The following NUBPL variants were observed in gnomAD, a reference collection of about 807,000 sequenced individuals.
NUBPL encodes iron-sulfur cluster transfer protein NUBPL.
In NUBPL, 31 loss-of-function variants were observed where a neutral mutation model predicts 45.7. That is an observed-to-expected ratio of 0.68 (90% CI 0.51 to 0.92). NUBPL has a LOEUF of 0.92. NUBPL is among the 40% of genes least tolerant of loss of function. The pLI, the probability that NUBPL is intolerant of heterozygous loss-of-function variation, is 0.00. For synonymous variants in NUBPL, 144 were observed against 140.9 expected, an observed-to-expected ratio of 1.02 and a Z score of -0.15; for missense variants, 401 against 398.7, an observed-to-expected ratio of 1.01 and a Z score of -0.05.
intron 6 of NUBPL, among the ~76,000 whole-genome samples, chr14:31,757,595 GATGAA>G (rs1158833010): frequency 4.6e-5 from 7 of 152,208 alleles, no homozygotes; most frequent in African/African-American, 1.4e-4. Flanking sequence ...AATACATGTA[GATGAA>G]ATGATATGAT....
chr14:31,651,898 C>CA (rs528694961), intron 4 of NUBPL, among the ~76,000 whole-genome samples: 7,622 of 91,072 alleles, frequency 0.084, 226 homozygotes, highest in Middle Eastern at 0.11. Context: ...GACTCTGTCT[C>CA]AAAAAAAAAA....
chr14:31,679,472 A>G (rs187534044), intron 6 of NUBPL, among the ~76,000 whole-genome samples: 3 of 152,168 alleles, frequency 2.0e-5, no homozygotes, highest in Admixed American at 2.0e-4. Context: ...CAATGTTTAT[A>G]ATTTTTTATA....
At chr14:31,798,904 T>G (rs2039526042) in intron 7 of NUBPL, among the ~76,000 whole-genome samples, 2 of 152,078 alleles carry the variant, frequency 1.3e-5, no homozygotes, top group South Asian at 4.2e-4. Context: ...AAAACTTGCT[T>G]AACTCCACAG....
At chr14:31,642,040 A>G (rs1390973593) in intron 4 of NUBPL, among the ~76,000 whole-genome samples, 2 of 152,106 alleles carry the variant, frequency 1.3e-5, no homozygotes, top group Non-Finnish European at 2.9e-5. Context: ...TTATTATTTT[A>G]CTATTGAGTT....
At chr14:31,609,780 A>T (rs1167459306) in intron 4 of NUBPL, among the ~76,000 whole-genome samples, 2 of 152,202 alleles carry the variant, frequency 1.3e-5, no homozygotes, top group Non-Finnish European at 2.9e-5. Context: ...TGGAAACTGT[A>T]CAAATACATG....
intron 7 of NUBPL, among the ~76,000 whole-genome samples, chr14:31,798,099 G>T (rs1174558874): frequency 2.0e-5 from 3 of 149,266 alleles, no homozygotes; most frequent in African/African-American, 7.7e-5. Flanking sequence ...TCTGCCGAGA[G>T]ATCCGCTGTT....
chr14:31,839,633 A>G (rs1232810821), intron 8 of NUBPL, among the ~76,000 whole-genome samples: 3 of 152,238 alleles, frequency 2.0e-5, no homozygotes, highest in African/African-American at 4.8e-5. Flanking sequence ...CTGAACAGCC[A>G]AGAAAACAAT....
intron 7 of NUBPL, chr14:31,800,865 A>G (rs2039573858): frequency 6.6e-6 from 1 of 152,198 alleles, no homozygotes; most frequent in South Asian, 2.1e-4. Context: ...TATTTATATT[A>G]AAGTGCTGTA....
chr14:31,832,219 C>T (rs956162540), intron 8 of NUBPL, among the ~76,000 whole-genome samples: 5 of 152,022 alleles, frequency 3.3e-5, no homozygotes, highest in Admixed American at 2.6e-4. Flanking sequence ...ATCAGTAAGA[C>T]AGTTTAAAAA....
intron 4 of NUBPL, among the ~76,000 whole-genome samples, chr14:31,604,256 G>T (rs933157068): frequency 2.0e-5 from 3 of 151,204 alleles, no homozygotes; most frequent in African/African-American, 7.3e-5. Flanking sequence ...AATGATTAAG[G>T]CGTTCACTTA....
chr14:31,847,141 T>C (rs1166048718), intron 9 of NUBPL, among the ~76,000 whole-genome samples: 3 of 152,206 alleles, frequency 2.0e-5, no homozygotes, highest in Admixed American at 1.3e-4. Flanking sequence ...AATTTGAGAA[T>C]AGAGTTTTGT....
chr14:31,778,755 T>G (rs1032809425), intron 6 of NUBPL, among the ~76,000 whole-genome samples: 1 of 152,192 alleles, frequency 6.6e-6, no homozygotes, highest in African/African-American at 2.4e-5. Context: ...AAAATCTTGT[T>G]GCCATACTTT....
At chr14:31,704,908 G>T (rs1276864191) in intron 6 of NUBPL, among the ~76,000 whole-genome samples, 1 of 152,188 alleles carries the variant, frequency 6.6e-6, no homozygotes, top group Non-Finnish European at 1.5e-5. Context: ...CTTAAAGATG[G>T]TATGTCCGGA....
chr14:31,747,942 G>T (rs1011186319), intron 6 of NUBPL, among the ~76,000 whole-genome samples: 1 of 151,794 alleles, frequency 6.6e-6, no homozygotes, highest in African/African-American at 2.4e-5. Context: ...TTTCTTGATG[G>T]TAAACTTTCC....
chr14:31,753,168 C>T (rs755838203), intron 6 of NUBPL, among the ~76,000 whole-genome samples: 1 of 152,186 alleles, frequency 6.6e-6, no homozygotes, highest in African/African-American at 2.4e-5. Flanking sequence ...TGGCTTTTCT[C>T]ACTGTGAAGC....
At chr14:31,654,164 T>C (rs1385968665) in intron 4 of NUBPL, 2 of 451,942 alleles carry the variant, frequency 4.4e-6, no homozygotes, top group African/African-American at 4.0e-5. Context: ...TGGTTTCCCA[T>C]TGCATATAAA....
In NUBPL at chr14:31,577,901, C is replaced by G. The variant is rs543657043; in HGVS notation, c.291+12853C>G. The G allele has an allele frequency of 5.0e-6, 6 of 1,211,366 alleles. No homozygotes were observed. In the Admixed American group the frequency reaches 1.2e-4, roughly 24 times the overall value. The allele number at this position is 1,211,366 out of a possible 1,614,324, so 75.0% of individuals were successfully genotyped here. A position where few individuals can be genotyped will look rare whatever the true frequency, so the allele number is the denominator to read the frequency against. ...TAGTGGTTTCAAGTAATGTCATTTCCTCCTCTATTGGTTCATATGTTTATC... is the reference window on the plus strand; with the variant it reads ...TAGTGGTTTCAAGTAATGTCATTTCGTCCTCTATTGGTTCATATGTTTATC... On this transcript the variant is annotated intron_variant, in intron 3 of 10. Coordinates refer to ENST00000281081, the MANE Select transcript of NUBPL (RefSeq NM_025152.3).
chr14:31,817,659 A>G (rs1258993003), intron 7 of NUBPL, among the ~76,000 whole-genome samples: 1 of 152,236 alleles, frequency 6.6e-6, no homozygotes, highest in Non-Finnish European at 1.5e-5. Context: ...CTCCTGAAGG[A>G]TGCAGTAAAT....
chr14:31,694,319 A>G (rs1219770581), intron 6 of NUBPL, among the ~76,000 whole-genome samples: 2 of 152,214 alleles, frequency 1.3e-5, no homozygotes, highest in African/African-American at 4.8e-5. Context: ...TACATAACTA[A>G]AGTCCAGTTC....
Sources: allele counts gnomAD v4.1 joint callset (sites outside exome capture counted in the v4.1 genomes callset), GRCh38; gene constraint gnomAD v4.1.1; transcripts MANE v1.5; gene names NCBI Gene and HGNC (gene_info 2026-07-23, HGNC 2026-07-21).